The following SLC9C1 variants were observed in gnomAD, a reference collection of about 807,000 sequenced individuals.
The protein encoded by SLC9C1 is sodium/hydrogen exchanger 10.
SLC9C1 carries 97 observed loss-of-function variants against 140.9 expected under a neutral mutation model. The ratio of observed to expected loss-of-function variants is 0.69; its 90% CI spans 0.58 to 0.82. The LOEUF (loss-of-function observed/expected upper bound fraction) is 0.82. Among genes scored for constraint, SLC9C1 ranks in the 40% least tolerant of loss-of-function variants. The pLI is 0.00. For missense variants in SLC9C1, 1,340 were observed against 1,389.3 expected, an observed-to-expected ratio of 0.96 and a Z score of 0.56; for synonymous variants, 440 against 442.6, an observed-to-expected ratio of 0.99 and a Z score of 0.07.
At chr3:112,156,912 C>A (rs1446150914) in intron 26 of SLC9C1, among the ~76,000 whole-genome samples, 3 of 151,974 alleles carry the variant, frequency 2.0e-5, no homozygotes, top group African/African-American at 7.2e-5. Flanking sequence ...CTTATATATT[C>A]TGGTTATTAA....
At chr3:112,204,475 T>A (rs2077991039) in intron 16 of SLC9C1, 72 bp from the exon 17 acceptor site, 2 of 1,463,172 alleles carry the variant, frequency 1.4e-6, no homozygotes, top group Non-Finnish European at 1.8e-6. Flanking sequence ...CACAATAATT[T>A]AAACATCATG....
intron 6 of SLC9C1, among the ~76,000 whole-genome samples, chr3:112,271,072 G>A (rs192626501): frequency 6.6e-6 from 1 of 152,028 alleles, no homozygotes; most frequent in African/African-American, 2.4e-5. Flanking sequence ...GATAGGCACA[G>A]AAAGGAAAAT....
At chr3:112,273,338 T>C (rs2080126896) in intron 6 of SLC9C1, among the ~76,000 whole-genome samples, 1 of 152,008 alleles carries the variant, frequency 6.6e-6, no homozygotes, top group Non-Finnish European at 1.5e-5. Context: ...TTCACACACA[T>C]CACAGATGGT....
At chr3:112,158,986 T>C (rs2075208957) in intron 26 of SLC9C1, among the ~76,000 whole-genome samples, 1 of 151,864 alleles carries the variant, frequency 6.6e-6, no homozygotes, top group South Asian at 2.1e-4. Flanking sequence ...AAATCATTAT[T>C]ATTTCCAATT....
At chr3:112,156,524 G>C (rs967901171) in intron 26 of SLC9C1, among the ~76,000 whole-genome samples, 8 of 151,874 alleles carry the variant, frequency 5.3e-5, no homozygotes, top group African/African-American at 1.7e-4. Context: ...TATTTCTTTT[G>C]AATATATACC....
intron 27 of SLC9C1, among the ~76,000 whole-genome samples, 178 bp downstream of exon 27, chr3:112,154,819 A>T (rs1485459817): frequency 6.6e-6 from 1 of 152,116 alleles, no homozygotes; most frequent in African/African-American, 2.4e-5. Context: ...ATATTTCCCT[A>T]AAAATAAGTA....
chr3:112,233,884 T>C (rs1437076913), intron 12 of SLC9C1, among the ~76,000 whole-genome samples: 1 of 152,204 alleles, frequency 6.6e-6, no homozygotes, highest in African/African-American at 2.4e-5. Context: ...CTATCATTGT[T>C]GGACATTTGG....
chr3:112,214,833 G>A (rs1386844612), intron 15 of SLC9C1, among the ~76,000 whole-genome samples: 1 of 152,184 alleles, frequency 6.6e-6, no homozygotes, highest in African/African-American at 2.4e-5. Flanking sequence ...AATAGAAAAA[G>A]AGGGAATCCT....
intron 13 of SLC9C1, among the ~76,000 whole-genome samples, chr3:112,223,764 T>C (rs893529002): frequency 3.9e-5 from 6 of 152,196 alleles, no homozygotes; most frequent in Admixed American, 1.3e-4. Flanking sequence ...GATTAATTAA[T>C]TGAGTGAATA....
chr3:112,232,438 A>G (rs1029986916), intron 12 of SLC9C1, among the ~76,000 whole-genome samples: 1 of 152,188 alleles, frequency 6.6e-6, no homozygotes, highest in Admixed American at 6.5e-5. Context: ...GCTACTAGAG[A>G]AATCTTTGGA....
At chr3:112,157,776 T>C (rs2075169978) in intron 26 of SLC9C1, among the ~76,000 whole-genome samples, 1 of 145,126 alleles carries the variant, frequency 6.9e-6, no homozygotes, top group Non-Finnish European at 1.5e-5. Flanking sequence ...TTTTTTTTTG[T>C]AGCTATTGTA....
chr3:112,156,987 T>C (rs115052085), intron 26 of SLC9C1, among the ~76,000 whole-genome samples: 5,893 of 152,232 alleles, frequency 0.039, 187 homozygotes, highest in South Asian at 0.085. Context: ...CTTCACTTTG[T>C]AGACTGTTTC....
At chr3:112,158,482 A>G (rs1169683750) in intron 26 of SLC9C1, among the ~76,000 whole-genome samples, 1 of 151,626 alleles carries the variant, frequency 6.6e-6, no homozygotes, top group Non-Finnish European at 1.5e-5. Flanking sequence ...ATAGTTTTCT[A>G]TTTTTCCTGT....
At chr3:112,278,584 C>T (rs1377371522) in intron 4 of SLC9C1, 145 bp downstream of exon 4, 2 of 784,774 alleles carry the variant, frequency 2.5e-6, no homozygotes, top group African/African-American at 1.8e-5. Context: ...ATGGCTTATT[C>T]ACTAAATGAT....
At chr3:112,239,362 G>T (rs1406125804) in intron 12 of SLC9C1, among the ~76,000 whole-genome samples, 1 of 152,202 alleles carries the variant, frequency 6.6e-6, no homozygotes, top group South Asian at 2.1e-4. Context: ...TCACAGCTTT[G>T]CTTGGCTACG....
intron 10 of SLC9C1, among the ~76,000 whole-genome samples, chr3:112,247,645 A>C (rs1576440510): frequency 6.6e-6 from 1 of 152,200 alleles, no homozygotes; most frequent in Admixed American, 6.5e-5. Context: ...GATATTTAAA[A>C]TGTCTTGTGG....
chr3:112,212,945 G>A (rs1218986201), intron 15 of SLC9C1, among the ~76,000 whole-genome samples: 1 of 152,120 alleles, frequency 6.6e-6, no homozygotes, highest in Non-Finnish European at 1.5e-5. Flanking sequence ...AATGTAAAAG[G>A]CAACCAGAGA....
chr3:112,159,729 C>G (rs1465294613), intron 26 of SLC9C1, among the ~76,000 whole-genome samples: 2 of 152,022 alleles, frequency 1.3e-5, no homozygotes, highest in African/African-American at 2.4e-5. Context: ...CTTTACATAT[C>G]TGGGGACTCT....
chr3:112,211,586 C>T (rs59653496), intron 15 of SLC9C1, among the ~76,000 whole-genome samples: 8,104 of 152,338 alleles, frequency 0.053, 263 homozygotes, highest in South Asian at 0.089. Context: ...GAGGGTCCCA[C>T]GCCCACGGAG....
Sources: allele counts gnomAD v4.1 joint callset (sites outside exome capture counted in the v4.1 genomes callset), GRCh38; gene constraint gnomAD v4.1.1; transcripts MANE v1.5; gene names NCBI Gene and HGNC (gene_info 2026-07-23, HGNC 2026-07-21).